Variants in RP1 observed in about 807,000 individuals in gnomAD.
RP1 encodes RP1 axonemal microtubule associated, also known as oxygen-regulated protein 1.
RP1 carries 16 observed loss-of-function variants against 14.8 expected under a neutral mutation model. The observed-to-expected ratio is 1.08, with a 90% CI of 0.73 to 1.65. RP1 has a LOEUF of 1.65. RP1 is among the 40% of genes most tolerant of loss of function. The pLI is 0.00. For missense variants in RP1, 2,631 were observed against 2,535.0 expected, an observed-to-expected ratio of 1.04 and a Z score of -0.81; for synonymous variants, 876 against 883.6, an observed-to-expected ratio of 0.99 and a Z score of 0.15.
intron 1 of RP1, among the ~76,000 whole-genome samples, chr8:54,575,989 T>G (rs1382895361): frequency 6.6e-6 from 1 of 152,148 alleles, no homozygotes; most frequent in Non-Finnish European, 1.5e-5. Flanking sequence ...GGTTCCCACC[T>G]GTGTGCTATT....
intron 22 of RP1, among the ~76,000 whole-genome samples, chr8:54,763,349 C>G (rs547052587): frequency 6.6e-6 from 1 of 152,288 alleles, no homozygotes; most frequent in Non-Finnish European, 1.5e-5. Flanking sequence ...TTTCATAACT[C>G]CTGGTTTGGG....
chr8:54,666,155 C>T (rs941427919), intron 7 of RP1, among the ~76,000 whole-genome samples: 1 of 151,944 alleles, frequency 6.6e-6, no homozygotes, highest in South Asian at 2.1e-4. Context: ...GCTTTATTGC[C>T]GGAGCCAGCT....
chr8:54,833,948 G>GA (rs551003087), intron 24 of RP1, among the ~76,000 whole-genome samples: 9 of 151,190 alleles, frequency 6.0e-5, no homozygotes, highest in Admixed American at 2.0e-4. Context: ...CACATGAAAT[G>GA]AAAAAAAATC....
intron 1 of RP1, among the ~76,000 whole-genome samples, chr8:54,564,120 C>G (rs138762845): frequency 1.3e-3 from 193 of 152,236 alleles, no homozygotes; most frequent in African/African-American, 4.3e-3. Context: ...CCGGAATTGT[C>G]GGGACTGGTC....
intron 27 of RP1, among the ~76,000 whole-genome samples, chr8:54,859,035 A>G (rs2129327783): frequency 6.6e-6 from 1 of 151,944 alleles, no homozygotes; most frequent in South Asian, 2.1e-4. Context: ...GTGTCATTGT[A>G]AAGCAGTGTC....
At chr8:54,763,939 A>T (rs960744855) in intron 22 of RP1, among the ~76,000 whole-genome samples, 2 of 151,920 alleles carry the variant, frequency 1.3e-5, no homozygotes, top group Admixed American at 6.6e-5. Flanking sequence ...AAAGGTTGAG[A>T]TTATCTCCTT....
At chr8:54,587,814 G>A in intron 1 of RP1, among the ~76,000 whole-genome samples, 1 of 152,236 alleles carries the variant, frequency 6.6e-6, no homozygotes, top group Admixed American at 6.5e-5. Context: ...CTATAGAAAG[G>A]TCTATTTCTT....
chr8:54,837,623 A>G (rs1262877709), exon 25 of RP1: 26 of 1,232,070 alleles, frequency 2.1e-5, no homozygotes, highest in Non-Finnish European at 2.5e-5. Context: ...ATGGCGATCT[A>G]TGGAAGGAAA....
At position 54,625,823 on chromosome 8, in the gene RP1, T is replaced by C; in HGVS notation, c.1941T>C (p.Asn647=). ...CTGCAAGAATTGACAGACTAATTAA[T>C]GAATTTGCTCAGTGTGGTTTAACAA... ...TVTARIDRLI[N]EFAQCGLTKL... is the part of the protein sequence containing the mutation. The change falls in exon 4 of 4, where the codon AAT becomes AAC. Residue 647 remains asparagine, a synonymous_variant. Coordinates refer to ENST00000220676, the MANE Select transcript of RP1 (RefSeq NM_006269.2). The C allele has an allele frequency of 6.2e-7, 1 of 1,613,444 alleles. No individual in the cohort carries two copies. Among genetic ancestry groups the C allele is most frequent in the Non-Finnish European group, 8.5e-7 (1 of 1,179,990 alleles).
intron 18 of RP1, among the ~76,000 whole-genome samples, chr8:54,734,940 A>G (rs570366795): frequency 1.3e-5 from 2 of 152,114 alleles, no homozygotes; most frequent in Admixed American, 6.5e-5. Flanking sequence ...TCAAGCAAGG[A>G]AAGTTGTAGA....
In RP1 at chr8:54,730,462, T is replaced by C. The variant is rs1808767240; in HGVS notation, c.2521+3986T>C. Among the ~76,000 whole-genome samples, 4 of 151,956 alleles carry C rather than the reference T, an allele frequency of 2.6e-5. 1 individual carries two copies. The highest frequency in any genetic ancestry group is 2.6e-4 in the Admixed American group (4 of 15,230). ...CCAAGTAGGAACCTGTCTTCTCATATAATCTGAACAGTTTAGAATAATGGT... is the reference window on the plus strand; with the variant it reads ...CCAAGTAGGAACCTGTCTTCTCATACAATCTGAACAGTTTAGAATAATGGT... On this transcript the variant is annotated intron_variant, in intron 17 of 22. Transcript: ENST00000636932.
intron 25 of RP1, among the ~76,000 whole-genome samples, chr8:54,843,254 G>A (rs1435877898): frequency 2.6e-5 from 4 of 152,080 alleles, no homozygotes; most frequent in Non-Finnish European, 2.9e-5. Flanking sequence ...ATTTATTTAC[G>A]TATTTTTAGT....
intron 17 of RP1, among the ~76,000 whole-genome samples, chr8:54,727,000 C>T (rs1316989019): frequency 6.6e-6 from 1 of 151,812 alleles, no homozygotes; most frequent in Non-Finnish European, 1.5e-5. Flanking sequence ...TGACAAATTC[C>T]GTGTATCAGA....
chr8:54,643,869 C>G (rs1361550136), intron 3 of RP1, among the ~76,000 whole-genome samples: 1 of 152,102 alleles, frequency 6.6e-6, no homozygotes, highest in African/African-American at 2.4e-5. Flanking sequence ...CACTAGTCAC[C>G]CATAACAGTT....
upstream of RP1, among the ~76,000 whole-genome samples, chr8:54,612,710 G>A (rs548281536): frequency 5.3e-5 from 8 of 152,216 alleles, no homozygotes; most frequent in East Asian, 1.9e-4. Flanking sequence ...ATTTACCAAC[G>A]GCTACAGACC....
intron 28 of RP1, chr8:54,865,983 TC>T: frequency 1.5e-6 from 1 of 653,976 alleles, no homozygotes; most frequent in Non-Finnish European, 2.2e-6. Context: ...ACCTGTGTCC[TC>T]CAGCATGCCT....
At chr8:54,602,957 A>G (rs1180009472) in intron 1 of RP1, among the ~76,000 whole-genome samples, 1 of 152,100 alleles carries the variant, frequency 6.6e-6, no homozygotes, top group Admixed American at 6.5e-5. Flanking sequence ...AGATGAGTAG[A>G]TGGCAAAAAT....
chr8:54,592,495 T>C (rs1412664718), intron 1 of RP1, among the ~76,000 whole-genome samples: 2 of 152,242 alleles, frequency 1.3e-5, no homozygotes, highest in East Asian at 1.9e-4. Context: ...TTATATGTTG[T>C]TCCTGGAATC....
At chr8:54,706,321 T>C in intron 14 of RP1, 1 of 946,914 alleles carries the variant, frequency 1.1e-6, no homozygotes, top group Non-Finnish European at 1.5e-6. Flanking sequence ...TTGCTCGTTT[T>C]CAGCCACCAA....
Sources: allele counts gnomAD v4.1 joint callset (sites outside exome capture counted in the v4.1 genomes callset), GRCh38; gene constraint gnomAD v4.1.1; transcripts MANE v1.5; gene names NCBI Gene and HGNC (gene_info 2026-07-23, HGNC 2026-07-21).